Variants in LRRTM4 observed in about 807,000 individuals in gnomAD.
LRRTM4 encodes the protein leucine rich repeat transmembrane neuronal 4.
Under a neutral mutation model 47.6 loss-of-function variants are expected in LRRTM4, and 25 were observed. That is an observed-to-expected ratio of 0.53 (90% confidence interval 0.38 to 0.73). The LOEUF (loss-of-function observed/expected upper bound fraction) is 0.73, where lower values mean the gene tolerates loss of function less well. Among genes scored for constraint, LRRTM4 ranks in the 30% least tolerant of loss-of-function variants. LRRTM4 has a pLI of 0.00. For missense variants in LRRTM4, 638 were observed against 713.4 expected (o/e 0.89, Z 1.20); for synonymous variants, 311 against 269.5 (o/e 1.15, Z -1.51).
intron 3 of LRRTM4, among the ~76,000 whole-genome samples, chr2:77,497,390 G>T (rs1016179326): frequency 1.3e-5 from 2 of 151,144 alleles, no homozygotes; most frequent in African/African-American, 4.8e-5. Context: ...AGAAGCTAAG[G>T]TCATGGATTG....
chr2:77,275,049 T>A (rs1325055225), intron 3 of LRRTM4, among the ~76,000 whole-genome samples: 1 of 151,978 alleles, frequency 6.6e-6, no homozygotes, highest in Non-Finnish European at 1.5e-5. Context: ...AATGTAAAGT[T>A]TAACTCTTAA....
At chr2:76,979,521 G>T (rs1054617634) in intron 3 of LRRTM4, among the ~76,000 whole-genome samples, 1 of 99,952 alleles carries the variant, frequency 1.0e-5, no homozygotes, top group Non-Finnish European at 1.9e-5. Context: ...ATCTAATTCA[G>T]ACTGCAAAAC....
At chr2:77,196,381 T>C (rs1008977659) in intron 3 of LRRTM4, among the ~76,000 whole-genome samples, 2 of 152,152 alleles carry the variant, frequency 1.3e-5, no homozygotes, top group African/African-American at 2.4e-5. Flanking sequence ...TATGAGAACA[T>C]TGAATATCAT....
intron 3 of LRRTM4, among the ~76,000 whole-genome samples, chr2:76,919,240 T>C (rs1479200591): frequency 6.6e-6 from 1 of 152,194 alleles, no homozygotes; most frequent in East Asian, 1.9e-4. Context: ...GTGAGTCAAC[T>C]CAGCTCTTAA....
At chr2:77,018,439 C>T (rs1678152678) in intron 3 of LRRTM4, among the ~76,000 whole-genome samples, 1 of 151,924 alleles carries the variant, frequency 6.6e-6, no homozygotes, top group African/African-American at 2.4e-5. Flanking sequence ...GCTGCCATAT[C>T]ATATCTGTGT....
At chr2:77,012,969 T>C (rs984528638) in intron 3 of LRRTM4, among the ~76,000 whole-genome samples, 1 of 152,230 alleles carries the variant, frequency 6.6e-6, no homozygotes, top group Non-Finnish European at 1.5e-5. Flanking sequence ...AAAATACAGA[T>C]GTTCAAGAGG....
intron 3 of LRRTM4, among the ~76,000 whole-genome samples, chr2:77,089,579 C>T (rs1460155143): frequency 6.6e-6 from 1 of 151,534 alleles, no homozygotes; most frequent in Non-Finnish European, 1.5e-5. Context: ...AACCCCCGAA[C>T]CCCTTCCCTC....
intron 3 of LRRTM4, among the ~76,000 whole-genome samples, chr2:76,899,790 A>G (rs992124418): frequency 6.6e-6 from 1 of 152,244 alleles, no homozygotes; most frequent in African/African-American, 2.4e-5. Flanking sequence ...AACAATTATA[A>G]CAAAAAGTAA....
chr2:77,052,150 C>CT (rs70939841), intron 3 of LRRTM4, among the ~76,000 whole-genome samples: 3,628 of 63,468 alleles, frequency 0.057, 455 homozygotes, highest in African/African-American at 0.22. Flanking sequence ...GTTACATTTC[C>CT]TTTTTTTTTT....
intron 3 of LRRTM4, among the ~76,000 whole-genome samples, chr2:76,886,443 T>C (rs1673078933): frequency 6.6e-6 from 1 of 152,108 alleles, no homozygotes; most frequent in African/African-American, 2.4e-5. Context: ...GAGTCAAGAG[T>C]AAGTGAACAT....
intron 3 of LRRTM4, among the ~76,000 whole-genome samples, chr2:77,163,034 T>TA (rs1672776643): frequency 6.6e-6 from 1 of 152,112 alleles, no homozygotes. Context: ...TTCTGTGAGC[T>TA]AAAGGAGGAT....
chr2:76,917,547 T>C (rs776577455), intron 3 of LRRTM4, among the ~76,000 whole-genome samples: 9 of 152,122 alleles, frequency 5.9e-5, no homozygotes, highest in Admixed American at 5.9e-4. Context: ...TTAATGTGCG[T>C]ATATCACCAT....
At chr2:77,451,759 T>G (rs1421508407) in intron 3 of LRRTM4, among the ~76,000 whole-genome samples, 1 of 152,098 alleles carries the variant, frequency 6.6e-6, no homozygotes, top group Non-Finnish European at 1.5e-5. Context: ...TTAAATAGAA[T>G]GCATGGTGTA....
At chr2:76,865,893 G>C (rs1038862243) in intron 3 of LRRTM4, among the ~76,000 whole-genome samples, 1 of 152,070 alleles carries the variant, frequency 6.6e-6, no homozygotes, top group Admixed American at 6.5e-5. Context: ...GACCTCTGAA[G>C]ATCACTTTAC....
chr2:77,093,529 C>T (rs1474040140), intron 3 of LRRTM4, among the ~76,000 whole-genome samples: 12 of 151,968 alleles, frequency 7.9e-5, no homozygotes, highest in Middle Eastern at 3.4e-3. Context: ...ATTCCCACAC[C>T]ACCCCTAATC....
At chr2:76,907,152 C>A (rs1156560053) in intron 3 of LRRTM4, among the ~76,000 whole-genome samples, 2 of 151,680 alleles carry the variant, frequency 1.3e-5, no homozygotes, top group Admixed American at 6.6e-5. Flanking sequence ...TCTCTCAGAC[C>A]ACAGTGCAAT....
chr2:77,071,361 A>G (rs1393939109), intron 3 of LRRTM4, among the ~76,000 whole-genome samples: 1 of 152,208 alleles, frequency 6.6e-6, no homozygotes, highest in Non-Finnish European at 1.5e-5. Context: ...TCACATGCTT[A>G]TTAAATTTCC....
At chr2:77,311,003 G>T (rs10208323) in intron 3 of LRRTM4, among the ~76,000 whole-genome samples, 11,834 of 151,136 alleles carry the variant, frequency 0.078, 835 homozygotes, top group African/African-American at 0.19. Flanking sequence ...TATATATATA[G>T]AGAGAGAATA....
chr2:77,158,081 T>C (rs1048371988), intron 3 of LRRTM4, among the ~76,000 whole-genome samples: 3 of 152,094 alleles, frequency 2.0e-5, no homozygotes, highest in African/African-American at 7.2e-5. Flanking sequence ...AGGGGAAATA[T>C]TATTGTAAAT....
Sources: allele counts gnomAD v4.1 joint callset (sites outside exome capture counted in the v4.1 genomes callset), GRCh38; gene constraint gnomAD v4.1.1; transcripts MANE v1.5; gene names NCBI Gene and HGNC (gene_info 2026-07-23, HGNC 2026-07-21).